KCNH8: variants seen among roughly 807,000 people sequenced by gnomAD.
The protein encoded by KCNH8 is voltage-gated delayed rectifier potassium channel KCNH8.
KCNH8 carries 70 observed loss-of-function variants against 103.6 expected under a neutral mutation model. The ratio of observed to expected loss-of-function variants is 0.68; its 90% CI spans 0.56 to 0.82. The LOEUF is 0.82. Ranked by LOEUF, KCNH8 falls within the 40% of genes least tolerant of loss-of-function variation. The pLI is 0.00. For synonymous variants in KCNH8, 498 were observed against 489.4 expected (o/e 1.02, Z -0.23); for missense variants, 1,217 against 1,329.9 (o/e 0.92, Z 1.32).
intron 3 of KCNH8, 124 bp from the exon 4 acceptor site, chr3:19,342,463 C>T: frequency 1.3e-6 from 1 of 780,726 alleles, no homozygotes; most frequent in Non-Finnish European, 1.9e-6. Flanking sequence ...CATTAGGATC[C>T]AGCAGATTAT....
chr3:19,246,896 A>G (rs181558963), intron 1 of KCNH8, among the ~76,000 whole-genome samples: 5 of 152,272 alleles, frequency 3.3e-5, no homozygotes, highest in East Asian at 1.9e-4. Flanking sequence ...TGTGAAGGAC[A>G]TTTGTTTCCA....
intron 11 of KCNH8, among the ~76,000 whole-genome samples, chr3:19,465,989 C>T (rs929874386): frequency 5.3e-5 from 8 of 152,026 alleles, no homozygotes; most frequent in African/African-American, 1.5e-4. Context: ...GGCTGGAGTG[C>T]GGTGGCATGA....
chr3:19,392,505 T>C (rs1252568539), intron 6 of KCNH8, among the ~76,000 whole-genome samples: 1 of 151,968 alleles, frequency 6.6e-6, no homozygotes, highest in African/African-American at 2.4e-5. Flanking sequence ...GTTCAAGGTA[T>C]TATGTTTTCT....
At chr3:19,150,854 G>A (rs753894901) in intron 1 of KCNH8, among the ~76,000 whole-genome samples, 1 of 152,092 alleles carries the variant, frequency 6.6e-6, no homozygotes, top group Non-Finnish European at 1.5e-5. Context: ...GAACCAGTTT[G>A]CATGAAATCT....
chr3:19,527,984 T>C (rs1224580032), intron 15 of KCNH8, among the ~76,000 whole-genome samples: 1 of 151,984 alleles, frequency 6.6e-6, no homozygotes, highest in Non-Finnish European at 1.5e-5. Context: ...TAGAGAAATC[T>C]TGGATGTGAA....
intron 1 of KCNH8, among the ~76,000 whole-genome samples, chr3:19,172,307 C>G (rs888733980): frequency 1.3e-5 from 2 of 152,126 alleles, no homozygotes; most frequent in African/African-American, 2.4e-5. Context: ...TTATATACTT[C>G]TCTTCTCCAT....
intron 1 of KCNH8, among the ~76,000 whole-genome samples, chr3:19,188,856 C>A (rs1575423858): frequency 6.6e-6 from 1 of 151,952 alleles, no homozygotes; most frequent in Non-Finnish European, 1.5e-5. Flanking sequence ...GTTGCCCAGA[C>A]TGGATTCAAA....
At chr3:19,482,699 T>C (rs905091730) in intron 11 of KCNH8, among the ~76,000 whole-genome samples, 1 of 152,224 alleles carries the variant, frequency 6.6e-6, no homozygotes, top group Non-Finnish European at 1.5e-5. Flanking sequence ...GGCACATGTG[T>C]CAGTTTTGTC....
At chr3:19,216,968 C>A (rs533648775) in intron 1 of KCNH8, among the ~76,000 whole-genome samples, 173 of 152,190 alleles carry the variant, frequency 1.1e-3, no homozygotes, top group Non-Finnish European at 2.1e-3. Context: ...AAGCAGCACA[C>A]ATTTTAGCTG....
chr3:19,309,514 T>A, intron 3 of KCNH8, among the ~76,000 whole-genome samples: 1 of 151,886 alleles, frequency 6.6e-6, no homozygotes, highest in Admixed American at 6.6e-5. Context: ...CACAGAAAGG[T>A]GAAAAAGGAA....
intron 1 of KCNH8, among the ~76,000 whole-genome samples, chr3:19,235,576 G>T (rs1272768316): frequency 2.6e-5 from 4 of 152,024 alleles, no homozygotes; most frequent in Non-Finnish European, 5.9e-5. Context: ...CCTGAATTTT[G>T]GTCACATTAC....
intron 6 of KCNH8, among the ~76,000 whole-genome samples, chr3:19,394,418 C>T (rs746846282): frequency 6.6e-6 from 1 of 151,998 alleles, no homozygotes; most frequent in Non-Finnish European, 1.5e-5. Context: ...CACTAGGAGA[C>T]TCTTCAGAAA....
At chr3:19,377,895 TGTTA>T (rs2066233562) in intron 5 of KCNH8, among the ~76,000 whole-genome samples, 1 of 152,342 alleles carries the variant, frequency 6.6e-6, no homozygotes, top group East Asian at 1.9e-4. Flanking sequence ...TTGCTTTGTT[TGTTA>T]GTGTTAATAC....
chr3:19,419,938 A>G lies in KCNH8; in HGVS notation c.1178-18226A>G, dbSNP rs185009227. Among the ~76,000 whole-genome samples, 614 of 152,292 alleles carry G rather than the reference A, an allele frequency of 4.0e-3. 6 individuals carry two copies. The highest frequency in any genetic ancestry group is 0.014 in the African/African-American group (578 of 41,576). On this transcript the variant is annotated intron_variant, in intron 7 of 15. Transcript: ENST00000328405. Reference sequence around the variant, plus strand: ...ATTTGCCTTTGGCTTGACAGCTCTCAATGAACCTGTGTTTAGTCTCATAGG... The same window carrying G: ...ATTTGCCTTTGGCTTGACAGCTCTCGATGAACCTGTGTTTAGTCTCATAGG...
intron 11 of KCNH8, among the ~76,000 whole-genome samples, chr3:19,475,878 C>G (rs1321557542): frequency 1.3e-5 from 2 of 152,124 alleles, no homozygotes; most frequent in African/African-American, 4.8e-5. Context: ...ATTACGAATT[C>G]TCTCAAAGAC....
intron 6 of KCNH8, 151 bp downstream of exon 6, chr3:19,390,789 T>C (rs1335269942): frequency 1.6e-6 from 1 of 638,572 alleles, no homozygotes; most frequent in African/African-American, 1.9e-5. Context: ...CAGGCCAGAT[T>C]CTTCAGTTGA....
chr3:19,318,662 TACACACAC>T (rs141442113), intron 3 of KCNH8, among the ~76,000 whole-genome samples: 15 of 142,560 alleles, frequency 1.1e-4, no homozygotes, highest in African/African-American at 2.1e-4. Flanking sequence ...TGTGTGTGTG[TACACACAC>T]ACACACACAC....
chr3:19,396,595 G>A (rs2066522316), intron 7 of KCNH8, among the ~76,000 whole-genome samples: 1 of 151,706 alleles, frequency 6.6e-6, no homozygotes, highest in South Asian at 2.1e-4. Context: ...AAAGAAAATG[G>A]GGAAATAAAA....
At chr3:19,251,666 T>C (rs1361036228) in intron 1 of KCNH8, among the ~76,000 whole-genome samples, 3 of 152,124 alleles carry the variant, frequency 2.0e-5, no homozygotes. Context: ...GCAGGAAAGA[T>C]AGTCTGTCTG....
Sources: allele counts gnomAD v4.1 joint callset (sites outside exome capture counted in the v4.1 genomes callset), GRCh38; gene constraint gnomAD v4.1.1; transcripts MANE v1.5; gene names NCBI Gene and HGNC (gene_info 2026-07-23, HGNC 2026-07-21).